Variants in CFAP44 observed in about 807,000 individuals in gnomAD.
The protein encoded by CFAP44 is cilia and flagella associated protein 44, also known as cilia- and flagella-associated protein 44.
Under a neutral mutation model 216.2 loss-of-function variants are expected in CFAP44, and 134 were observed. The ratio of observed to expected loss-of-function variants is 0.62; its 90% CI spans 0.54 to 0.72. The LOEUF is 0.72. CFAP44 is among the 30% of genes least tolerant of loss of function. The pLI, the probability that CFAP44 is intolerant of heterozygous loss-of-function variation, is 0.00. For missense variants in CFAP44, 2,035 were observed against 2,182.1 expected, an observed-to-expected ratio of 0.93 and a Z score of 1.34; for synonymous variants, 700 against 727.6, an observed-to-expected ratio of 0.96 and a Z score of 0.61.
At chr3:113,409,495 T>G (rs6438147) in intron 6 of CFAP44, among the ~76,000 whole-genome samples, 173 bp from the exon 7 acceptor site, 80,934 of 152,084 alleles carry the variant, frequency 0.53, 22,776 homozygotes, top group African/African-American at 0.71. Context: ...TGAATTATGT[T>G]ATATGAAAGG....
chr3:113,425,649 G>A (rs1160432427), intron 4 of CFAP44, among the ~76,000 whole-genome samples: 1 of 152,210 alleles, frequency 6.6e-6, no homozygotes, highest in Non-Finnish European at 1.5e-5. Context: ...ACTGACAAAA[G>A]TAAATGGGAA....
At chr3:113,399,634 C>A (rs1934088239) in intron 13 of CFAP44, among the ~76,000 whole-genome samples, 1 of 152,072 alleles carries the variant, frequency 6.6e-6, no homozygotes, top group Non-Finnish European at 1.5e-5. Context: ...TGGATCGAGG[C>A]TAGATACACA....
intron 25 of CFAP44, among the ~76,000 whole-genome samples, chr3:113,332,569 TCTC>T (rs1419544111): frequency 2.0e-5 from 3 of 152,326 alleles, no homozygotes; most frequent in East Asian, 3.9e-4. Context: ...TGTATCGAGT[TCTC>T]CTAAAAGTAG....
intron 22 of CFAP44, among the ~76,000 whole-genome samples, chr3:113,349,188 C>A (rs1029454486): frequency 6.6e-6 from 1 of 152,080 alleles, no homozygotes; most frequent in Admixed American, 6.5e-5. Context: ...GAAGAAAATC[C>A]TTCTGCCTTC....
rs2107808881 is a variant in CFAP44, at chr3:113,327,641, A to G, written c.4295T>C (p.Leu1432Ser). ...ENILQERVNSLDKEEQYMQWK... is the reference protein window; with the variant it reads ...ENILQERVNSSDKEEQYMQWK... ...TTGCATGTACTGTTCCTCTTTGTCTAAGGAATTAACACGTTCTTGAAGTAT... is the reference window on the plus strand; with the variant it reads ...TTGCATGTACTGTTCCTCTTTGTCTGAGGAATTAACACGTTCTTGAAGTAT... Residue 1432 changes from leucine (L) to serine (S), a missense_variant, in exon 27 of 35, where the codon TTA becomes TCA. Leu to Ser is a moderately radical substitution (Grantham distance 145). Transcript: ENST00000393845. 4 of 1,536,920 alleles carry G rather than the reference A, an allele frequency of 2.6e-6. No individual in the cohort carries two copies. The highest frequency in any genetic ancestry group is 2.6e-6 in the Non-Finnish European group (3 of 1,146,630).
At chr3:113,384,036 T>C (rs139570235) in intron 15 of CFAP44, among the ~76,000 whole-genome samples, 19 of 151,992 alleles carry the variant, frequency 1.3e-4, no homozygotes. Context: ...TTGCTGAGAA[T>C]GATGATTTCC....
chr3:113,287,247 C>T lies in CFAP44; in HGVS notation c.*4310G>A, dbSNP rs765865194. 94 of 351,380 alleles carry T rather than the reference C, an allele frequency of 2.7e-4. No homozygotes were observed. Among genetic ancestry groups the T allele is most frequent in the Admixed American group, 5.3e-4 (13 of 24,700 alleles). The allele number at this position is 351,380 out of a possible 1,614,324, so 21.8% of individuals were successfully genotyped here. A position where few individuals can be genotyped will look rare whatever the true frequency, so the allele number is the denominator to read the frequency against. ...GAGCATGAGGGAACAGCAAGGGGCA[C>T]GGTATCACAGCCTGGAGACACCCAC... On this transcript the variant is annotated 3_prime_UTR_variant, in exon 35 of 35. Coordinates refer to ENST00000393845, the MANE Select transcript of CFAP44 (RefSeq NM_001164496.2).
intron 27 of CFAP44, 46 bp from the exon 28 acceptor site, chr3:113,326,686 C>A: frequency 8.0e-7 from 1 of 1,257,652 alleles, no homozygotes; most frequent in Non-Finnish European, 1.1e-6. Context: ...TTCTGATAAA[C>A]CAAGTTCAGA....
intron 31 of CFAP44, among the ~76,000 whole-genome samples, chr3:113,304,759 C>T (rs1320796531): frequency 6.6e-6 from 1 of 152,162 alleles, no homozygotes; most frequent in Non-Finnish European, 1.5e-5. Context: ...CCCTCTGAGC[C>T]ATTGCATTCT....
chr3:113,401,201 A>C (rs757495866), intron 11 of CFAP44, 39 bp downstream of exon 11: 1 of 1,530,584 alleles, frequency 6.5e-7, no homozygotes, highest in African/African-American at 1.4e-5. Flanking sequence ...AGTTTTTACT[A>C]TGAAAGTTAG....
chr3:113,402,177 A>G (rs1242174336), intron 9 of CFAP44, among the ~76,000 whole-genome samples: 1 of 152,224 alleles, frequency 6.6e-6, no homozygotes, highest in Non-Finnish European at 1.5e-5. Flanking sequence ...CTCAAGCACT[A>G]TCTCATTAGA....
intron 15 of CFAP44, among the ~76,000 whole-genome samples, chr3:113,388,127 G>A (rs1169754312): frequency 6.6e-6 from 1 of 152,214 alleles, no homozygotes; most frequent in East Asian, 1.9e-4. Context: ...ACCCTGAAGG[G>A]AATACAAGCC....
chr3:113,426,987 C>T, intron 3 of CFAP44, 200 bp downstream of exon 3: 1 of 566,978 alleles, frequency 1.8e-6, no homozygotes, highest in South Asian at 2.4e-5. Context: ...TCAGAGTACT[C>T]TATGTGATCC....
At chr3:113,441,349 A>G (rs1935359067) in intron 1 of CFAP44, 104 bp downstream of exon 1, 2 of 979,962 alleles carry the variant, frequency 2.0e-6, no homozygotes, top group Non-Finnish European at 2.4e-6. Context: ...AGGCTATAAC[A>G]CTGGTCCAGC....
Position 113,289,409 on chromosome 3 carries a change from C to T in CFAP44, c.*2148G>A, listed in dbSNP as rs1949807121. ...CTCTTCTGTAGACTGTAGGTCCATT[C>T]TTGCTGCAATCAGAATCAGAATCTC... On this transcript the variant is annotated 3_prime_UTR_variant, in exon 35 of 35. Coordinates refer to ENST00000393845, the MANE Select transcript of CFAP44 (RefSeq NM_001164496.2). 6.6e-6 allele frequency: 1 copy of T among 152,204 alleles called. No individual in the cohort carries two copies. The allele number at this position is 152,204 out of a possible 1,614,324, so 9.4% of individuals were successfully genotyped here.
chr3:113,291,584 C>A lies in CFAP44; in HGVS notation c.5538G>T (p.Glu1846Asp). 2 of 1,537,214 alleles carry A rather than the reference C, an allele frequency of 1.3e-6. No homozygotes were observed. Among genetic ancestry groups the A allele is most frequent in the South Asian group, 2.4e-5 (2 of 84,048 alleles). Residue 1846 changes from glutamate to aspartate, a missense_variant, in exon 35 of 35, where the codon GAG becomes GAT. This residue lies in a region of CFAP44 where 1,883 missense variants were observed against 2,023.7 expected (regional missense o/e 0.93). Coordinates refer to ENST00000393845, the MANE Select transcript of CFAP44 (RefSeq NM_001164496.2). ...AAAGGTCTGCGGGCTGTATCTCTTT[C>A]TCTCGTGGAGACTGAATGGGTGGGA... Reference protein sequence around the residue: ...LILPPIQSPREKEIQPADL With the variant: ...LILPPIQSPRDKEIQPADL
At chr3:113,324,042 C>CAAAAAAAAAAA (rs200919084) in intron 28 of CFAP44, among the ~76,000 whole-genome samples, 26 of 71,834 alleles carry the variant, frequency 3.6e-4, no homozygotes, top group East Asian at 8.6e-4. Flanking sequence ...GACTCCGTCT[C>CAAAAAAAAAAA]AAAAAAAAAA....
intron 6 of CFAP44, among the ~76,000 whole-genome samples, chr3:113,411,943 T>A (rs1359504231): frequency 1.3e-5 from 2 of 151,772 alleles, no homozygotes; most frequent in South Asian, 4.2e-4. Context: ...GCTCTCTGTC[T>A]GTTATTGGTG....
Position 113,287,105 on chromosome 3 carries a change from G to A in CFAP44, c.*4452C>T, listed in dbSNP as rs2399476. 0.04 allele frequency: 20,923 copies of A among 523,256 alleles called. 583 individuals are homozygous for A. Among genetic ancestry groups the A allele is most frequent in the East Asian group, 0.11 (2,086 of 19,516 alleles). 32.4% of individuals were successfully genotyped at this position (523,256 alleles called of 1,614,324 possible). A position where few individuals can be genotyped will look rare whatever the true frequency, so the allele number is the denominator to read the frequency against. On this transcript the variant is annotated 3_prime_UTR_variant, in exon 35 of 35. Transcript: ENST00000393845. ...AACAGGAGTCACCCAGGAAAGCACC[G>A]CACAGGCTGGCGCGGGACAGACTCC... is the stretch of plus-strand genomic sequence containing the variant.
Sources: allele counts gnomAD v4.1 joint callset (sites outside exome capture counted in the v4.1 genomes callset), GRCh38; gene constraint gnomAD v4.1.1; regional missense constraint gnomAD v4.1.1; transcripts MANE v1.5; gene names NCBI Gene and HGNC (gene_info 2026-07-23, HGNC 2026-07-21).